LPP: variants seen among roughly 807,000 people sequenced by gnomAD.
The protein encoded by LPP is lipoma-preferred partner.
Under a neutral mutation model 60.4 loss-of-function variants are expected in LPP, and 38 were observed. That is an observed-to-expected ratio of 0.63 (90% CI 0.49 to 0.83). The LOEUF (loss-of-function observed/expected upper bound fraction) is 0.83. LPP is among the 40% of genes least tolerant of loss of function. LPP has a pLI of 0.00. For synonymous variants in LPP, 328 were observed against 290.8 expected (o/e 1.13, Z -1.30); for missense variants, 902 against 783.6 (o/e 1.15, Z -1.80).
chr3:188,619,536 T>C (rs1481571648), intron 7 of LPP, among the ~76,000 whole-genome samples: 3 of 152,208 alleles, frequency 2.0e-5, no homozygotes, highest in African/African-American at 7.2e-5. Context: ...CCACCTGATT[T>C]TGTAAATAAT....
intron 2 of LPP, among the ~76,000 whole-genome samples, chr3:188,306,247 AT>A (rs66669354): frequency 6.3e-4 from 91 of 145,458 alleles, no homozygotes; most frequent in East Asian, 8.1e-4. Context: ...TGTCCAGCTA[AT>A]TTTTTTTTTT....
At chr3:188,339,547 G>T (rs1762502428) in intron 2 of LPP, among the ~76,000 whole-genome samples, 1 of 152,152 alleles carries the variant, frequency 6.6e-6, no homozygotes, top group Non-Finnish European at 1.5e-5. Flanking sequence ...AGGCAAAGGA[G>T]GAACAGGCAC....
chr3:188,821,757 C>G (rs1754031671), intron 9 of LPP, among the ~76,000 whole-genome samples: 1 of 152,028 alleles, frequency 6.6e-6, no homozygotes, highest in South Asian at 2.1e-4. Context: ...CCCATATCTT[C>G]CCAGATATAT....
At chr3:188,454,173 C>T (rs1309492025) in intron 4 of LPP, among the ~76,000 whole-genome samples, 1 of 152,194 alleles carries the variant, frequency 6.6e-6, no homozygotes, top group East Asian at 1.9e-4. Flanking sequence ...CAAGGTTAGG[C>T]AGCTAGCAGG....
chr3:188,371,642 T>TATATATATATATATATATATA (rs1553878070), intron 3 of LPP, among the ~76,000 whole-genome samples: 10 of 16,222 alleles, frequency 6.2e-4, no homozygotes, highest in African/African-American at 7.7e-4. Flanking sequence ...TATATATATA[T>TATATATATATATATATATATA]TTTTTTTTTT....
At chr3:188,776,772 A>C (rs574624163) in intron 9 of LPP, among the ~76,000 whole-genome samples, 1 of 152,330 alleles carries the variant, frequency 6.6e-6, no homozygotes, top group East Asian at 1.9e-4. Flanking sequence ...CATGCCATTT[A>C]AACTGGAAGA....
Position 188,609,864 on chromosome 3 carries a change from A to G in LPP, c.1113+20A>G, listed in dbSNP as rs1553942970. The G allele has an allele frequency of 6.3e-7, 1 of 1,594,020 alleles. No individual in the cohort carries two copies. Among genetic ancestry groups the G allele is most frequent in the Non-Finnish European group, 8.5e-7 (1 of 1,170,968 alleles). On this transcript the variant is annotated intron_variant, in intron 7 of 11. Coordinates refer to ENST00000617246, the MANE Select transcript of LPP (RefSeq NM_001375462.1). The surrounding 1 kb of genome is among the most constrained non-coding windows in gnomAD (Gnocchi z 6.9). ...CCAAAGGTAAGAAACTCAGTAACAT[A>G]AGGAGGAGAATACAGGGGTGCCTAT...
At chr3:188,269,533 A>G (rs766881301) in intron 2 of LPP, among the ~76,000 whole-genome samples, 5 of 152,226 alleles carry the variant, frequency 3.3e-5, no homozygotes, top group Non-Finnish European at 5.9e-5. Context: ...TGTTTCTGAA[A>G]TGTAGCTTGT....
intron 7 of LPP, among the ~76,000 whole-genome samples, chr3:188,613,907 A>ATTTATTTG (rs1233198870): frequency 7.0e-6 from 1 of 143,872 alleles, no homozygotes; most frequent in Non-Finnish European, 1.5e-5. Context: ...AATTAATTTT[A>ATTTATTTG]TTTATTTATT....
intron 8 of LPP, among the ~76,000 whole-genome samples, chr3:188,714,257 T>G (rs926223921): frequency 6.6e-6 from 1 of 152,200 alleles, no homozygotes; most frequent in Non-Finnish European, 1.5e-5. Context: ...CTCTCCCATG[T>G]CATAACTTTT....
intron 7 of LPP, among the ~76,000 whole-genome samples, chr3:188,627,426 G>C (rs1283100268): frequency 2.0e-5 from 3 of 152,012 alleles, no homozygotes; most frequent in African/African-American, 7.2e-5. Context: ...ACACCTTTAG[G>C]CTCAGAATAA....
At chr3:188,528,775 G>A (rs1245439673) in intron 6 of LPP, among the ~76,000 whole-genome samples, 1 of 152,146 alleles carries the variant, frequency 6.6e-6, no homozygotes, top group African/African-American at 2.4e-5. Flanking sequence ...ATTTTGGCTT[G>A]TGCTTGATTT....
chr3:188,597,982 A>G (rs1374251790), intron 6 of LPP, among the ~76,000 whole-genome samples: 2 of 152,292 alleles, frequency 1.3e-5, no homozygotes, highest in Non-Finnish European at 2.9e-5. Context: ...GCAAACTATT[A>G]AAGAGACATT....
At position 188,352,105 on chromosome 3, in the gene LPP, A is replaced by T. The variant is rs1457344376; in HGVS notation, c.-10+10386A>T. On this transcript the variant is annotated intron_variant, in intron 3 of 11. Transcript: ENST00000617246. This position sits in a 1 kb window ranked among gnomAD's most constrained non-coding sequence, Gnocchi z 4.4. ...CTTCTTCCCCTTCCTCCTTCTCCTG[A>T]CTTAACCTTGGGTGGCCGCAGGTCT... is the stretch of plus-strand genomic sequence containing the variant. Among the ~76,000 whole-genome samples, 1 of 151,780 alleles carries T rather than the reference A, an allele frequency of 6.6e-6. No homozygotes were observed. Among genetic ancestry groups the T allele is most frequent in the East Asian group, 1.9e-4 (1 of 5,182 alleles).
intron 3 of LPP, among the ~76,000 whole-genome samples, chr3:188,356,083 T>A (rs1767523518): frequency 6.6e-6 from 1 of 152,238 alleles, no homozygotes; most frequent in Non-Finnish European, 1.5e-5. Flanking sequence ...CTTTAACTTA[T>A]AGCGCGGATG....
At chr3:188,374,771 C>T (rs1302265009) in intron 3 of LPP, among the ~76,000 whole-genome samples, 1 of 152,134 alleles carries the variant, frequency 6.6e-6, no homozygotes, top group Admixed American at 6.5e-5. Context: ...GAGAGGGCAT[C>T]CCTGTCTTGT....
At chr3:188,370,473 A>G (rs11707807) in intron 3 of LPP, among the ~76,000 whole-genome samples, 54,768 of 151,898 alleles carry the variant, frequency 0.36, 11,083 homozygotes, top group Middle Eastern at 0.61. Flanking sequence ...ATTATCATTG[A>G]GCCTTTTAGG....
rs546473592 is a variant in LPP, at chr3:188,346,850, G to A, written c.-10+5131G>A. On this transcript the variant is annotated intron_variant, in intron 3 of 11. Transcript: ENST00000617246. ...TTCCTTTTGCTGTTGGATTTTCCCC[G>A]TAGTCACCTATTGTTATACTCTGAG... Among the ~76,000 whole-genome samples, 27 of 152,198 alleles carry A rather than the reference G, an allele frequency of 1.8e-4. No homozygotes were observed. The East Asian group carries it at 1.9e-3, about 11-fold the overall frequency.
intron 5 of LPP, among the ~76,000 whole-genome samples, chr3:188,497,010 A>ATTTTT (rs5855203): frequency 3.9e-4 from 58 of 148,878 alleles, no homozygotes; most frequent in African/African-American, 1.4e-3. Context: ...TTTCTGTGGC[A>ATTTTT]TTTTTTTTTT....
Sources: gnomAD v4.1 joint callset for allele counts (sites outside exome capture counted in the v4.1 genomes callset) on GRCh38, gnomAD v4.1.1 for gene constraint, Gnocchi (gnomAD v3.1) non-coding constraint, MANE v1.5 for transcripts, NCBI Gene and HGNC (gene_info 2026-07-23, HGNC 2026-07-21) for gene names.